The following DNASE1 variants were observed in gnomAD, a reference collection of about 807,000 sequenced individuals.
The protein encoded by DNASE1 is deoxyribonuclease-1.
Under a neutral mutation model 33.9 loss-of-function variants are expected in DNASE1, and 40 were observed. The observed-to-expected ratio is 1.18, with a 90% confidence interval of 0.92 to 1.54. The LOEUF (loss-of-function observed/expected upper bound fraction) is 1.54. Ranked by LOEUF, DNASE1 falls within the 40% of genes most tolerant of loss-of-function variation. The pLI is 0.00. For synonymous variants in DNASE1, 216 were observed against 160.0 expected, an observed-to-expected ratio of 1.35 and a Z score of -2.64; for missense variants, 518 against 372.6, an observed-to-expected ratio of 1.39 and a Z score of -3.21.
At chr16:3,649,864 C>A (rs754943426), upstream of DNASE1, among the ~76,000 whole-genome samples, 13 of 151,026 alleles carry the variant, frequency 8.6e-5, no homozygotes, top group African/African-American at 2.9e-4. Context: ...TGACATGGGC[C>A]TTCAAATGTG....
At chr16:3,653,626 G>A (rs1008788112), upstream of DNASE1, 1 of 151,900 alleles carries the variant, frequency 6.6e-6, no homozygotes, top group African/African-American at 2.4e-5. Context: ...GACCAACATG[G>A]TGAAACCCTG....
At chr16:3,657,641 CTTAG>C in intron 7 of DNASE1, 75 bp from the exon 8 acceptor site, 1 of 1,578,630 alleles carries the variant, frequency 6.3e-7, no homozygotes. Context: ...TCCCAGGGCT[CTTAG>C]TTTAGTTCCT....
At chr16:3,658,747 GCTGGTAGC>G, downstream of DNASE1, 1 of 1,572,056 alleles carries the variant, frequency 6.4e-7, no homozygotes, top group Non-Finnish European at 8.7e-7. Context: ...GGCTGGCAGG[GCTGGTAGC>G]CTGGGTCCCT....
chr16:3,638,539 C>T (rs975988503), upstream of DNASE1, among the ~76,000 whole-genome samples: 3 of 152,126 alleles, frequency 2.0e-5, no homozygotes, highest in Non-Finnish European at 2.9e-5. Context: ...GGTGTTTCAC[C>T]GTGTTAGCCA....
intron 1 of DNASE1, among the ~76,000 whole-genome samples, chr16:3,634,376 C>G (rs2041803549): frequency 6.6e-6 from 1 of 151,570 alleles, no homozygotes; most frequent in South Asian, 2.1e-4. Context: ...CTACAGGTGC[C>G]CGCCACCATG....
downstream of DNASE1, chr16:3,658,173 C>T (rs1596665492): frequency 1.2e-6 from 2 of 1,614,068 alleles, no homozygotes; most frequent in Non-Finnish European, 1.7e-6. Context: ...TTCAAGCGGC[C>T]CACCATGGCC....
intron 1 of DNASE1, among the ~76,000 whole-genome samples, chr16:3,647,895 C>A (rs1336148260): frequency 1.3e-5 from 2 of 152,066 alleles, no homozygotes; most frequent in African/African-American, 2.4e-5. Context: ...TGGCTGGGTG[C>A]AGTGGCTCAC....
At chr16:3,644,079 A>G (rs1373117569) in intron 1 of DNASE1, among the ~76,000 whole-genome samples, 1 of 152,186 alleles carries the variant, frequency 6.6e-6, no homozygotes, top group Non-Finnish European at 1.5e-5. Flanking sequence ...AAGATGATGG[A>G]TTGTTTCATA....
chr16:3,655,352 CTG>C lies in DNASE1; in HGVS notation c.-1-18_-1-17del. On this transcript the variant is annotated intron_variant, in intron 1 of 8. Coordinates refer to ENST00000246949, the MANE Select transcript of DNASE1 (RefSeq NM_005223.4). ...ATGACGTCTCACTTCTGTTATGTCT[CTG>C]TGCCCTGTGCTCTCCCAGGATGAGG... 6.2e-7 allele frequency: 1 copy of C among 1,613,842 alleles called. No homozygotes were observed. The highest frequency in any genetic ancestry group is 8.5e-7 in the Non-Finnish European group (1 of 1,180,000).
downstream of DNASE1, chr16:3,662,576 G>C (rs573635444): frequency 5.0e-6 from 3 of 602,524 alleles, no homozygotes; most frequent in East Asian, 1.0e-4. Context: ...GGCTGGGGTA[G>C]CATGTCCCTT....
In DNASE1 at chr16:3,657,984, G is replaced by C; in HGVS notation, c.*31G>C. ...CCCTCCCCACACCAGTTGAACTGCA[G>C]GAAGAGAGGACCCATCCTGCCACAG... On this transcript the variant is annotated 3_prime_UTR_variant, in exon 9 of 9. Coordinates refer to ENST00000246949, the MANE Select transcript of DNASE1 (RefSeq NM_005223.4). The C allele has an allele frequency of 6.2e-7, 1 of 1,613,102 alleles. No individual in the cohort carries two copies.
intron 1 of DNASE1, among the ~76,000 whole-genome samples, chr16:3,643,345 T>C (rs1208024927): frequency 6.6e-6 from 1 of 152,218 alleles, no homozygotes; most frequent in African/African-American, 2.4e-5. Flanking sequence ...CAGAGTGGGA[T>C]TTTTGGCAGT....
downstream of DNASE1, chr16:3,658,597 C>T (rs368133535): frequency 5.9e-5 from 35 of 594,172 alleles, no homozygotes; most frequent in Non-Finnish European, 9.2e-5. Flanking sequence ...TGCTTGAACC[C>T]GGGAGGCAGA....
At chr16:3,618,775 C>G (rs374540809) in intron 1 of DNASE1, among the ~76,000 whole-genome samples, 3 of 152,202 alleles carry the variant, frequency 2.0e-5, no homozygotes, top group East Asian at 1.9e-4. Context: ...CATATTCAGT[C>G]TAAATGCCCT....
chr16:3,657,599 G>A (rs528738742), intron 7 of DNASE1, 121 bp from the exon 8 acceptor site: 4 of 1,414,626 alleles, frequency 2.8e-6, no homozygotes, highest in Admixed American at 3.9e-5. Context: ...AGGGTGTGCA[G>A]TTTTGGGCAC....
intron 1 of DNASE1, among the ~76,000 whole-genome samples, chr16:3,636,840 C>A (rs979883368): frequency 4.0e-5 from 6 of 151,078 alleles, no homozygotes; most frequent in Middle Eastern, 3.4e-3. Context: ...GAAAAAAAAA[C>A]AGGCCAGGCA....
chr16:3,638,104 AGTGTGT>A (rs58884007), upstream of DNASE1, among the ~76,000 whole-genome samples: 191 of 143,544 alleles, frequency 1.3e-3, 1 homozygote, highest in Middle Eastern at 0.024. Context: ...AGTTTTTGTG[AGTGTGT>A]GTGTGTGTGT....
At chr16:3,656,923 T>C (rs2151222037) in intron 5 of DNASE1, 76 bp from the exon 6 acceptor site, 2 of 1,573,260 alleles carry the variant, frequency 1.3e-6, no homozygotes, top group Non-Finnish European at 8.6e-7. Flanking sequence ...ACTGTCATGA[T>C]ACATAGTTCC....
At chr16:3,631,867 G>T (rs934617741) in intron 1 of DNASE1, among the ~76,000 whole-genome samples, 1 of 152,144 alleles carries the variant, frequency 6.6e-6, no homozygotes. Flanking sequence ...GTCTTCTTTT[G>T]TGTTTAGCTG....
Sources: allele counts gnomAD v4.1 joint callset (sites outside exome capture counted in the v4.1 genomes callset), GRCh38; gene constraint gnomAD v4.1.1; transcripts MANE v1.5; gene names NCBI Gene and HGNC (gene_info 2026-07-23, HGNC 2026-07-21).